CEACAM8: variants seen among roughly 807,000 people sequenced by gnomAD.
CEACAM8 encodes CEA cell adhesion molecule 8.
CEACAM8 carries 31 observed loss-of-function variants against 33.4 expected under a neutral mutation model. That is an observed-to-expected ratio of 0.93 (90% CI 0.70 to 1.25). The LOEUF is 1.25. Among genes scored for constraint, CEACAM8 ranks in the 50% most tolerant of loss-of-function variants. The probability of loss-of-function intolerance (pLI) is 0.00; values close to 1 mark genes in which losing one functional copy is unlikely to be tolerated. For missense variants in CEACAM8, 388 were observed against 434.6 expected (o/e 0.89, Z 0.95); for synonymous variants, 138 against 164.5 (o/e 0.84, Z 1.23).
intron 4 of CEACAM8, 151 bp from the exon 5 acceptor site, chr19:42,583,488 C>T: frequency 1.5e-6 from 1 of 645,410 alleles, no homozygotes; most frequent in South Asian, 1.8e-5. Context: ...ACGTGATTAG[C>T]CAACTATATT....
chr19:42,583,405 C>T (rs1215779761), intron 4 of CEACAM8, 68 bp from the exon 5 acceptor site: 1 of 1,014,806 alleles, frequency 9.9e-7, no homozygotes, highest in African/African-American at 1.6e-5. Context: ...ACCCCAGGAA[C>T]CAGCTCCTAG....
At position 42,583,555 on chromosome 19, in the gene CEACAM8, A is replaced by G. The variant is rs371079158; in HGVS notation, c.959-218T>C. Among the ~76,000 whole-genome samples the G allele has an allele frequency of 2.3e-3, 352 of 152,284 alleles. 1 individual carries two copies. The highest frequency in any genetic ancestry group is 3.7e-3 in the Non-Finnish European group (249 of 68,028). On this transcript the variant is annotated intron_variant, in intron 4 of 5. Coordinates refer to ENST00000244336, the MANE Select transcript of CEACAM8 (RefSeq NM_001816.4). ...TAGGTTGACGATCAGTCTTCGGTCA[A>G]TTTCATCCTGGCATTTCTTTACTCA...
intron 5 of CEACAM8, among the ~76,000 whole-genome samples, chr19:42,582,647 A>ACCCC (rs2042276791): frequency 6.6e-6 from 1 of 152,174 alleles, no homozygotes; most frequent in African/African-American, 2.4e-5. Context: ...TTCTATGTGT[A>ACCCC]TATGGGGTAG....
chr19:42,589,383 A>G, intron 3 of CEACAM8, 74 bp downstream of exon 3: 1 of 1,605,238 alleles, frequency 6.2e-7, no homozygotes, highest in South Asian at 1.1e-5. Flanking sequence ...GCTGAGAGGG[A>G]CTGAGAGGCC....
chr19:42,592,881 A>C (rs940264731), intron 2 of CEACAM8, among the ~76,000 whole-genome samples: 5 of 152,160 alleles, frequency 3.3e-5, no homozygotes, highest in African/African-American at 1.2e-4. Flanking sequence ...GAGTCTCCTA[A>C]GCCTCCCAGG....
At chr19:42,587,864 C>T (rs1600293260) in intron 4 of CEACAM8, among the ~76,000 whole-genome samples, 2 of 152,112 alleles carry the variant, frequency 1.3e-5, no homozygotes, top group Admixed American at 6.5e-5. Context: ...ATTAGCTGGG[C>T]GTGTTGGCAC....
intron 2 of CEACAM8, among the ~76,000 whole-genome samples, chr19:42,592,597 CAAAA>C (rs922130468): frequency 2.4e-5 from 1 of 41,882 alleles, no homozygotes; most frequent in Non-Finnish European, 5.1e-5. Flanking sequence ...GACTCCGTCT[CAAAA>C]AAAAAAAAAA....
intron 5 of CEACAM8, among the ~76,000 whole-genome samples, chr19:42,582,884 C>A (rs555659944): frequency 6.6e-6 from 1 of 152,246 alleles, no homozygotes; most frequent in South Asian, 2.1e-4. Context: ...GACAAGAAGT[C>A]AAGCAGGACT....
chr19:42,585,647 T>C (rs2042324804), intron 4 of CEACAM8, among the ~76,000 whole-genome samples: 4 of 152,178 alleles, frequency 2.6e-5, no homozygotes, highest in Admixed American at 1.3e-4. Flanking sequence ...TCATACTCAA[T>C]AGAGAAAGAC....
chr19:42,580,628 T>C lies in CEACAM8; in HGVS notation c.*766A>G, dbSNP rs2042247979. Reference sequence around the variant, plus strand: ...TAAACATATGAATACTCATGAATAGTTGCCCAGTTCTGTGGCAGTCAGGTA... The same window carrying C: ...TAAACATATGAATACTCATGAATAGCTGCCCAGTTCTGTGGCAGTCAGGTA... On this transcript the variant is annotated 3_prime_UTR_variant, in exon 6 of 6. Coordinates refer to ENST00000244336, the MANE Select transcript of CEACAM8 (RefSeq NM_001816.4). 6.6e-6 allele frequency: 1 copy of C among 152,292 alleles called. No individual in the cohort carries two copies. The highest frequency in any genetic ancestry group is 1.5e-5 in the Non-Finnish European group (1 of 68,082). 9.4% of individuals were successfully genotyped at this position (152,292 alleles called of 1,614,324 possible).
chr19:42,585,326 AAAAC>A (rs1208864144), intron 4 of CEACAM8, among the ~76,000 whole-genome samples: 9 of 148,972 alleles, frequency 6.0e-5, no homozygotes, highest in Middle Eastern at 3.4e-3. Flanking sequence ...AAAAAAAAAA[AAAAC>A]AAACAAAAAA....
intron 2 of CEACAM8, among the ~76,000 whole-genome samples, chr19:42,590,277 G>C (rs1259440680): frequency 1.3e-5 from 2 of 152,226 alleles, no homozygotes; most frequent in East Asian, 3.8e-4. Flanking sequence ...CCGTCGTCAG[G>C]CAGTGGAGCC....
intron 4 of CEACAM8, 122 bp downstream of exon 4, chr19:42,588,662 T>C (rs1600294759): frequency 1.1e-5 from 12 of 1,069,846 alleles, no homozygotes; most frequent in African/African-American, 1.1e-4. Flanking sequence ...AGGAGAAAAG[T>C]TGGGGATTTG....
Position 42,589,632 on chromosome 19 carries a change from G to T in CEACAM8, c.528C>A (p.Tyr176Ter). ...TCEPETQNTT[Y>*]LWWVNGQSLP... Reference sequence around the variant, plus strand: ...GACTCTGACCATTTACCCACCACAGGTAGGTTGTGTTCTGAGTCTCAGGTT... The same window carrying T: ...GACTCTGACCATTTACCCACCACAGTTAGGTTGTGTTCTGAGTCTCAGGTT... Residue 176 changes from tyrosine to a stop codon, truncating the protein, a stop_gained, in exon 3 of 6, where the codon TAC (tyrosine) becomes TAA (stop). Coordinates refer to ENST00000244336, the MANE Select transcript of CEACAM8 (RefSeq NM_001816.4). LOFTEE classifies it high-confidence loss of function. The T allele has an allele frequency of 1.2e-6, 2 of 1,614,222 alleles. No individual in the cohort carries two copies. The highest frequency in any genetic ancestry group is 1.7e-6 in the Non-Finnish European group (2 of 1,180,044).
chr19:42,591,748 C>T (rs139541102), intron 2 of CEACAM8, among the ~76,000 whole-genome samples: 1,857 of 152,206 alleles, frequency 0.012, 13 homozygotes, highest in Middle Eastern at 0.027. Context: ...GGCAGTAAGC[C>T]CATCAGACAG....
intron 4 of CEACAM8, 79 bp from the exon 5 acceptor site, chr19:42,583,416 C>A: frequency 1.1e-6 from 1 of 881,334 alleles, no homozygotes. Context: ...CAGCTCCTAG[C>A]ATGAAGTAGT....
At chr19:42,585,165 G>C (rs2042314303) in intron 4 of CEACAM8, among the ~76,000 whole-genome samples, 1 of 152,042 alleles carries the variant, frequency 6.6e-6, no homozygotes, top group African/African-American at 2.4e-5. Context: ...GGGCATGATG[G>C]TATGCACCTG....
intron 4 of CEACAM8, among the ~76,000 whole-genome samples, chr19:42,584,213 C>CACACACACACAT (rs1379323109): frequency 2.0e-5 from 3 of 151,934 alleles, no homozygotes; most frequent in African/African-American, 7.3e-5. Flanking sequence ...TACACACACA[C>CACACACACACAT]ACACACACAC....
chr19:42,583,125 C>T, intron 5 of CEACAM8, 81 bp downstream of exon 5: 1 of 686,730 alleles, frequency 1.5e-6, no homozygotes. Flanking sequence ...AGGAGGAGAT[C>T]CATTCCCGGG....
Sources: allele counts gnomAD v4.1 joint callset (sites outside exome capture counted in the v4.1 genomes callset), GRCh38; gene constraint gnomAD v4.1.1; transcripts MANE v1.5; gene names NCBI Gene and HGNC (gene_info 2026-07-23, HGNC 2026-07-21).